Variants in KYAT1 observed in about 807,000 individuals in gnomAD.
KYAT1 encodes the protein kynurenine--oxoglutarate transaminase 1.
KYAT1 carries 47 observed loss-of-function variants against 52.4 expected under a neutral mutation model. That is an observed-to-expected ratio of 0.90 (90% CI 0.71 to 1.14). The LOEUF (loss-of-function observed/expected upper bound fraction) is 1.14, where lower values mean the gene tolerates loss of function less well. Ranked by LOEUF, KYAT1 falls within the 50% of genes most tolerant of loss-of-function variation. The probability of loss-of-function intolerance (pLI) is 0.00; values close to 1 mark genes in which losing one functional copy is unlikely to be tolerated. For missense variants in KYAT1, 480 were observed against 557.9 expected, an observed-to-expected ratio of 0.86 and a Z score of 1.41; for synonymous variants, 212 against 209.6, an observed-to-expected ratio of 1.01 and a Z score of -0.10.
At chr9:128,848,883 T>G (rs1296137405) in intron 1 of KYAT1, among the ~76,000 whole-genome samples, 1 of 150,486 alleles carries the variant, frequency 6.6e-6, no homozygotes, top group Non-Finnish European at 1.5e-5. Flanking sequence ...ACACGAACAC[T>G]TTGGGAGGCC....
chr9:128,839,320 G>T (rs1038309217), intron 3 of KYAT1, among the ~76,000 whole-genome samples: 1 of 152,140 alleles, frequency 6.6e-6, no homozygotes, highest in African/African-American at 2.4e-5. Context: ...GAAATTACTT[G>T]TCTAAAGTCA....
Position 128,874,084 on chromosome 9 carries a change from C to T in KYAT1, c.-7+7813G>A, listed in dbSNP as rs113365864. 2.8e-3 allele frequency among the ~76,000 whole-genome samples: 427 copies of T among 151,114 alleles called. 2 individuals are homozygous for T. The highest frequency in any genetic ancestry group is 0.01 in the African/African-American group (413 of 41,226). On this transcript the variant is annotated intron_variant, in intron 1 of 12. Coordinates refer to ENST00000302586, the MANE Select transcript of KYAT1 (RefSeq NM_004059.5). ...CAGCCTGGTCAACATGGTGAAACCC[C>T]GTCTCTATTAAATACACAAAAATTA...
intron 3 of KYAT1, among the ~76,000 whole-genome samples, chr9:128,841,694 C>CAAAAA (rs71383615): frequency 4.7e-5 from 5 of 105,852 alleles, no homozygotes; most frequent in African/African-American, 3.8e-5. Flanking sequence ...GACTCCATCT[C>CAAAAA]AAAAAAAAAA....
At chr9:128,870,533 T>C (rs1444591209) in intron 1 of KYAT1, among the ~76,000 whole-genome samples, 11 of 151,976 alleles carry the variant, frequency 7.2e-5, no homozygotes, top group Non-Finnish European at 1.6e-4. Context: ...GATAATAAGA[T>C]GGCTGAGGTG....
Position 128,835,851 on chromosome 9 carries a change from ACCCAGGACCCAGCCCACCT to A in KYAT1, c.766-2_782del. The A allele has an allele frequency of 1.2e-6, 2 of 1,614,008 alleles. No homozygotes were observed. Among genetic ancestry groups the A allele is most frequent in the East Asian group, 2.2e-5 (1 of 44,862 alleles). On this transcript the variant is annotated splice_acceptor_variant and coding_sequence_variant, in exon 9 of 13. Transcript: ENST00000302586. LOFTEE classifies it high-confidence loss of function. ...GCAGGTGCTTCATGATGTGATCTGG[ACCCAGGACCCAGCCCACCT>A]GCAGCAGGGGCGCAGGTAGGGGGAG...
chr9:128,854,635 G>A (rs1169574335), intron 1 of KYAT1, among the ~76,000 whole-genome samples: 1 of 152,242 alleles, frequency 6.6e-6, no homozygotes, highest in Non-Finnish European at 1.5e-5. Context: ...CAGCTTTAAT[G>A]ATTGTATCAA....
chr9:128,878,525 A>G (rs1252340433), intron 1 of KYAT1, among the ~76,000 whole-genome samples: 1 of 151,964 alleles, frequency 6.6e-6, no homozygotes, highest in Non-Finnish European at 1.5e-5. Flanking sequence ...ATGAATCCAA[A>G]TTTTTTTTGA....
intron 1 of KYAT1, among the ~76,000 whole-genome samples, chr9:128,850,189 C>A: frequency 6.6e-6 from 1 of 152,068 alleles, no homozygotes; most frequent in East Asian, 1.9e-4. Context: ...CCTGGCCAGC[C>A]CAGGCTGTTC....
chr9:128,851,975 G>A (rs994450610), intron 1 of KYAT1, among the ~76,000 whole-genome samples: 1 of 152,168 alleles, frequency 6.6e-6, no homozygotes, highest in African/African-American at 2.4e-5. Flanking sequence ...CTGCGACTTG[G>A]CTCGTGGCAC....
At position 128,838,201 on chromosome 9, in the gene KYAT1, A is replaced by G; in HGVS notation, c.351+17T>C. 3 of 1,614,184 alleles carry G rather than the reference A, an allele frequency of 1.9e-6. No homozygotes were observed. Among genetic ancestry groups the G allele is most frequent in the Non-Finnish European group, 2.5e-6 (3 of 1,180,026 alleles). ...CTGACCTCTCAGTCCCACTCAGCCC[A>G]AGTCTTGCCCACTCACCTCGTCTCC... On this transcript the variant is annotated intron_variant, in intron 4 of 12. Transcript: ENST00000302586.
intron 1 of KYAT1, among the ~76,000 whole-genome samples, chr9:128,849,883 C>CCTT (rs1554809374): frequency 2.2e-5 from 2 of 91,962 alleles, no homozygotes; most frequent in African/African-American, 1.0e-4. Context: ...TTATTTTCTT[C>CCTT]TTTTTTTTTT....
chr9:128,880,092 A>C (rs1452891994), intron 1 of KYAT1, among the ~76,000 whole-genome samples: 2 of 152,196 alleles, frequency 1.3e-5, no homozygotes, highest in Non-Finnish European at 2.9e-5. Flanking sequence ...TAAAATACAA[A>C]GTATAATACG....
In KYAT1 at chr9:128,838,050, C is replaced by A. The variant is rs777614454; in HGVS notation, c.438+1G>T. On this transcript the variant is annotated splice_donor_variant, in intron 5 of 12. Transcript: ENST00000302586. LOFTEE classifies it high-confidence loss of function. ...ATCCATCCTCTACCTAGCATCCTTA[C>A]CGGCTTCAGGGACACAAACACAGGA... is the stretch of plus-strand genomic sequence containing the variant. 1.7e-5 allele frequency: 27 copies of A among 1,613,926 alleles called. No homozygotes were observed. Among genetic ancestry groups the A allele is most frequent in the Non-Finnish European group, 2.2e-5 (26 of 1,179,914 alleles).
At chr9:128,880,677 C>T (rs1344806094) in intron 1 of KYAT1, among the ~76,000 whole-genome samples, 1 of 151,872 alleles carries the variant, frequency 6.6e-6, no homozygotes, top group Non-Finnish European at 1.5e-5. Context: ...CTACTGACCT[C>T]GTGATCCGCC....
At chr9:128,878,317 T>C (rs1838318259) in intron 1 of KYAT1, among the ~76,000 whole-genome samples, 1 of 152,030 alleles carries the variant, frequency 6.6e-6, no homozygotes, top group African/African-American at 2.4e-5. Flanking sequence ...GTATTTTTGA[T>C]AGAGATGGGG....
At chr9:128,847,711 C>T in intron 1 of KYAT1, 1 of 542,414 alleles carries the variant, frequency 1.8e-6, no homozygotes, top group Non-Finnish European at 3.3e-6. Context: ...AGGAATAGCA[C>T]CAAGTGCTCT....
At position 128,856,936 on chromosome 9, in the gene KYAT1, A is replaced by C. The variant is rs945709967; in HGVS notation, c.-6-11525T>G. On this transcript the variant is annotated intron_variant, in intron 1 of 12. Coordinates refer to ENST00000302586, the MANE Select transcript of KYAT1 (RefSeq NM_004059.5). Reference sequence around the variant, plus strand: ...AAGAGGAAAGCCTCTTGAAGTTGAAATAGAGGAAGGCCACTGTCTCCTGCC... The same window carrying C: ...AAGAGGAAAGCCTCTTGAAGTTGAACTAGAGGAAGGCCACTGTCTCCTGCC... Among the ~76,000 whole-genome samples, 62 of 152,334 alleles carry C rather than the reference A, an allele frequency of 4.1e-4. 1 individual carries two copies. The highest frequency in any genetic ancestry group is 2.3e-3 in the South Asian group (11 of 4,822).
At chr9:128,882,271 A>C, upstream of KYAT1, 1 of 152,756 alleles carries the variant, frequency 6.5e-6, no homozygotes. Flanking sequence ...GGGGTGGGGA[A>C]AGGGGCGCGA....
chr9:128,844,524 CA>C (rs879595477), intron 2 of KYAT1, among the ~76,000 whole-genome samples: 4,936 of 118,422 alleles, frequency 0.042, 76 homozygotes, highest in Middle Eastern at 0.096. Flanking sequence ...ACTAAAAATA[CA>C]AAAAAAAAAA....
Sources: allele counts gnomAD v4.1 joint callset (sites outside exome capture counted in the v4.1 genomes callset), GRCh38; gene constraint gnomAD v4.1.1; transcripts MANE v1.5; gene names NCBI Gene and HGNC (gene_info 2026-07-23, HGNC 2026-07-21).